The following LEF1 variants were observed in gnomAD, a reference collection of about 807,000 sequenced individuals.
The protein encoded by LEF1 is lymphoid enhancer binding factor 1, also known as lymphoid enhancer-binding factor 1.
A neutral mutation model predicts 51.2 loss-of-function variants in LEF1; 14 were observed. That is an observed-to-expected ratio of 0.27 (90% confidence interval 0.18 to 0.43). The LOEUF is 0.43. Ranked by LOEUF, LEF1 falls within the 20% of genes least tolerant of loss-of-function variation. LEF1 has a pLI of 1.00. For synonymous variants in LEF1, 185 were observed against 183.2 expected (o/e 1.01, Z -0.08); for missense variants, 386 against 512.0 (o/e 0.75, Z 2.37).
chr4:108,159,120 A>G (rs989103929), intron 3 of LEF1, among the ~76,000 whole-genome samples: 20 of 152,214 alleles, frequency 1.3e-4, no homozygotes, highest in Admixed American at 2.6e-4. Context: ...CAAGGGTTAC[A>G]TGTAGTATGG....
At chr4:108,166,179 C>CG in intron 1 of LEF1, 1 of 1,335,352 alleles carries the variant, frequency 7.5e-7, no homozygotes, top group Non-Finnish European at 9.9e-7. Flanking sequence ...ACCCTACCCC[C>CG]GCCCCCAGCC....
chr4:108,100,294 T>G (rs970001851), intron 3 of LEF1, among the ~76,000 whole-genome samples: 5 of 152,114 alleles, frequency 3.3e-5, no homozygotes, highest in Admixed American at 3.3e-4. Context: ...AAACATTTAT[T>G]TCAAAAAAGA....
chr4:108,134,049 C>T (rs1743080218), intron 3 of LEF1, among the ~76,000 whole-genome samples: 1 of 151,864 alleles, frequency 6.6e-6, no homozygotes, highest in Admixed American at 6.6e-5. Context: ...AGCACTCCAT[C>T]ATCAAACACA....
chr4:108,092,089 T>G (rs1442906537), intron 3 of LEF1, among the ~76,000 whole-genome samples: 1 of 152,216 alleles, frequency 6.6e-6, no homozygotes, highest in Non-Finnish European at 1.5e-5. Flanking sequence ...CCTCCAGTCA[T>G]ATAGCTCAGA....
intron 3 of LEF1, among the ~76,000 whole-genome samples, chr4:108,147,282 G>A (rs1227666413): frequency 6.6e-6 from 1 of 151,890 alleles, no homozygotes; most frequent in Non-Finnish European, 1.5e-5. Context: ...TCTTTAAAAG[G>A]TTTTTCTCAG....
intron 3 of LEF1, among the ~76,000 whole-genome samples, chr4:108,093,316 C>G (rs1740175087): frequency 6.6e-6 from 1 of 152,162 alleles, no homozygotes; most frequent in African/African-American, 2.4e-5. Flanking sequence ...TCTGTGCTGG[C>G]TACTGTACAC....
chr4:108,155,541 AG>A (rs1015985141), intron 3 of LEF1, among the ~76,000 whole-genome samples: 2 of 152,160 alleles, frequency 1.3e-5, no homozygotes, highest in African/African-American at 4.8e-5. Flanking sequence ...CTTTCTCTGG[AG>A]TTTCCCGGGT....
intron 3 of LEF1, among the ~76,000 whole-genome samples, chr4:108,129,683 C>A (rs1045696417): frequency 2.0e-5 from 3 of 152,198 alleles, no homozygotes; most frequent in Admixed American, 2.0e-4. Flanking sequence ...TGCTCATTCT[C>A]TGTAAGTCTT....
chr4:108,052,823 G>A (rs1246678895), intron 11 of LEF1, among the ~76,000 whole-genome samples: 1 of 152,104 alleles, frequency 6.6e-6, no homozygotes, highest in African/African-American at 2.4e-5. Flanking sequence ...GAGGGGGAAG[G>A]AACAAAAACA....
intron 3 of LEF1, among the ~76,000 whole-genome samples, chr4:108,154,962 C>G (rs574271973): frequency 1.3e-5 from 2 of 152,168 alleles, no homozygotes; most frequent in South Asian, 4.2e-4. Flanking sequence ...GCTGTTCAGC[C>G]AACACATCCC....
In LEF1 at chr4:108,167,939, GCAGCTGCCGCGGCGCCCGAATCC is replaced by G; in HGVS notation, c.-195_-173del. 1 of 382,726 alleles carries G rather than the reference GCAGCTGCCGCGGCGCCCGAATCC, an allele frequency of 2.6e-6. No individual in the cohort carries two copies. The highest frequency in any genetic ancestry group is 4.4e-6 in the Non-Finnish European group (1 of 225,262). The allele number at this position is 382,726 out of a possible 1,614,324, so 23.7% of individuals were successfully genotyped here. A position where few individuals can be genotyped will look rare whatever the true frequency, so the allele number is the denominator to read the frequency against. ...GCGGGGCCGCCGGCCGGCAGCCGGA[GCAGCTGCCGCGGCGCCCGAATCC>G]CGGCGGCCGCCGCGCTTTCCCGCTT... On this transcript the variant is annotated 5_prime_UTR_variant, in exon 1 of 12. Coordinates refer to ENST00000265165, the MANE Select transcript of LEF1 (RefSeq NM_016269.5). The surrounding 1 kb of genome is among the most constrained non-coding windows in gnomAD (Gnocchi z 5.7).
chr4:108,061,780 CA>C (rs1737710977), intron 11 of LEF1, among the ~76,000 whole-genome samples: 1 of 152,160 alleles, frequency 6.6e-6, no homozygotes, highest in African/African-American at 2.4e-5. Context: ...GTGGCTGGCT[CA>C]GAAGAGGTTC....
intron 3 of LEF1, among the ~76,000 whole-genome samples, chr4:108,101,202 T>C (rs1215864824): frequency 1.3e-5 from 2 of 152,228 alleles, no homozygotes; most frequent in Non-Finnish European, 2.9e-5. Context: ...ACGTTTGATG[T>C]GATTATTTTA....
At chr4:108,076,877 A>T (rs1334826897) in intron 8 of LEF1, among the ~76,000 whole-genome samples, 2 of 151,990 alleles carry the variant, frequency 1.3e-5, no homozygotes, top group Non-Finnish European at 2.9e-5. Context: ...AAATACAAAA[A>T]TTAGCCAGGT....
chr4:108,104,200 A>G (rs1741000228), intron 3 of LEF1, among the ~76,000 whole-genome samples: 1 of 151,960 alleles, frequency 6.6e-6, no homozygotes, highest in South Asian at 2.1e-4. Flanking sequence ...AAATGTCCGG[A>G]CCAGGCAAAG....
At chr4:108,104,236 T>C (rs1461776775) in intron 3 of LEF1, among the ~76,000 whole-genome samples, 2 of 151,776 alleles carry the variant, frequency 1.3e-5, no homozygotes, top group Admixed American at 1.3e-4. Context: ...AGATGAGGGG[T>C]TGCCAGGGGC....
Position 108,079,374 on chromosome 4 carries a change from G to C in LEF1, c.845+118C>G, listed in dbSNP as rs928184359. On this transcript the variant is annotated intron_variant, in intron 7 of 11. Coordinates refer to ENST00000265165, the MANE Select transcript of LEF1 (RefSeq NM_016269.5). ...TCAGGGACAGAGTTTTCAAGGCAGA[G>C]GTGCATTGAGTTTCACAGCAACACA... 4 of 1,123,212 alleles carry C rather than the reference G, an allele frequency of 3.6e-6. No individual in the cohort carries two copies. In the African/African-American group the frequency reaches 6.2e-5, roughly 17 times the overall value. The allele number at this position is 1,123,212 out of a possible 1,614,324, so 69.6% of individuals were successfully genotyped here.
At chr4:108,161,455 T>C (rs1745047849) in intron 3 of LEF1, among the ~76,000 whole-genome samples, 2 of 152,214 alleles carry the variant, frequency 1.3e-5, no homozygotes, top group South Asian at 4.1e-4. Flanking sequence ...GACCAACATT[T>C]ATTCTGGCCA....
intron 4 of LEF1, among the ~76,000 whole-genome samples, chr4:108,088,198 G>A (rs2110264925): frequency 6.6e-6 from 1 of 152,290 alleles, no homozygotes; most frequent in Middle Eastern, 3.4e-3. Flanking sequence ...CAGCCTCTAT[G>A]CCACTCTTTT....
Sources: allele counts gnomAD v4.1 joint callset (sites outside exome capture counted in the v4.1 genomes callset), GRCh38; gene constraint gnomAD v4.1.1; non-coding constraint Gnocchi (gnomAD v3.1); transcripts MANE v1.5; gene names NCBI Gene and HGNC (gene_info 2026-07-23, HGNC 2026-07-21).